DPP10: variants seen among roughly 807,000 people sequenced by gnomAD.
DPP10 encodes the protein inactive dipeptidyl peptidase 10.
Under a neutral mutation model 120.9 loss-of-function variants are expected in DPP10, and 33 were observed. The observed-to-expected ratio is 0.27, with a 90% CI of 0.21 to 0.37. The LOEUF is 0.37. Among genes scored for constraint, DPP10 ranks in the 10% least tolerant of loss-of-function variants. The pLI is 1.00. For synonymous variants in DPP10, 337 were observed against 326.1 expected (o/e 1.03, Z -0.36); for missense variants, 816 against 942.8 (o/e 0.87, Z 1.76).
chr2:115,584,990 A>G (rs557525530), intron 5 of DPP10, among the ~76,000 whole-genome samples: 1 of 152,296 alleles, frequency 6.6e-6, no homozygotes, highest in African/African-American at 2.4e-5. Context: ...AAAAACACAT[A>G]CCCATTAATT....
chr2:115,522,592 A>G (rs1341829835), intron 4 of DPP10, among the ~76,000 whole-genome samples: 1 of 152,078 alleles, frequency 6.6e-6, no homozygotes, highest in Admixed American at 6.5e-5. Flanking sequence ...TCACCTGCAT[A>G]TTTGCTTTAC....
At chr2:115,074,071 G>A (rs907724645) in intron 1 of DPP10, among the ~76,000 whole-genome samples, 3 of 152,158 alleles carry the variant, frequency 2.0e-5, no homozygotes, top group African/African-American at 4.8e-5. Flanking sequence ...GAGTGCAGTG[G>A]TGCAATCATA....
At chr2:115,272,589 C>T (rs1489154110) in intron 1 of DPP10, among the ~76,000 whole-genome samples, 1 of 152,208 alleles carries the variant, frequency 6.6e-6, no homozygotes, top group East Asian at 1.9e-4. Flanking sequence ...TTCTTCAGTA[C>T]AAGTTAGATT....
At chr2:114,547,309 GGCT>G (rs1416698058) in intron 1 of DPP10, among the ~76,000 whole-genome samples, 1 of 152,180 alleles carries the variant, frequency 6.6e-6, no homozygotes, top group Non-Finnish European at 1.5e-5. Flanking sequence ...GCCCAGTCAC[GGCT>G]GCTGCTGCTG....
chr2:114,771,807 C>A (rs1210510304), intron 1 of DPP10, among the ~76,000 whole-genome samples: 1 of 152,160 alleles, frequency 6.6e-6, no homozygotes, highest in Non-Finnish European at 1.5e-5. Flanking sequence ...TTAAAAGTTT[C>A]CAACTCTTAA....
chr2:115,777,318 C>G lies in DPP10; in HGVS notation c.1313+19C>G. ...AAAAAATGTGAGTGTTTTCAGTTCTCTAGTCAGGCTGCAAGTTAGCGTTGT... is the reference window on the plus strand; with the variant it reads ...AAAAAATGTGAGTGTTTTCAGTTCTGTAGTCAGGCTGCAAGTTAGCGTTGT... On this transcript the variant is annotated intron_variant, in intron 14 of 25. Coordinates refer to ENST00000410059, the MANE Select transcript of DPP10 (RefSeq NM_020868.6). The G allele has an allele frequency of 1.3e-6, 2 of 1,599,100 alleles. No individual in the cohort carries two copies. Among genetic ancestry groups the G allele is most frequent in the South Asian group, 1.1e-5 (1 of 90,676 alleles).
chr2:115,628,210 T>C (rs978027672), intron 5 of DPP10, among the ~76,000 whole-genome samples: 10 of 152,204 alleles, frequency 6.6e-5, no homozygotes, highest in Admixed American at 3.3e-4. Context: ...ATAATCACCA[T>C]TCTGACTGGC....
At chr2:115,554,869 A>C (rs995848184) in intron 5 of DPP10, among the ~76,000 whole-genome samples, 1 of 152,036 alleles carries the variant, frequency 6.6e-6, no homozygotes, top group African/African-American at 2.4e-5. Flanking sequence ...CCCTTGTGCA[A>C]CCTCTGCCTG....
chr2:115,438,828 T>A (rs76892169), intron 3 of DPP10, among the ~76,000 whole-genome samples: 1 of 125,046 alleles, frequency 8.0e-6, no homozygotes. Flanking sequence ...TGTGGAATAG[T>A]GGCTAAGATG....
intron 5 of DPP10, among the ~76,000 whole-genome samples, chr2:115,547,168 A>G (rs1275419628): frequency 6.6e-6 from 1 of 152,158 alleles, no homozygotes; most frequent in Non-Finnish European, 1.5e-5. Flanking sequence ...GCAAGACATG[A>G]ATGATAACTT....
chr2:115,394,469 C>CAA (rs34655384), intron 3 of DPP10, among the ~76,000 whole-genome samples: 9 of 91,152 alleles, frequency 9.9e-5, no homozygotes, highest in East Asian at 6.2e-4. Context: ...TCAACCTCAC[C>CAA]AAAAAAAAAA....
At chr2:115,612,372 A>G (rs1210211631) in intron 5 of DPP10, among the ~76,000 whole-genome samples, 1 of 152,184 alleles carries the variant, frequency 6.6e-6, no homozygotes, top group African/African-American at 2.4e-5. Flanking sequence ...TAATGTGATC[A>G]TTACCCTTGT....
At position 115,824,411 on chromosome 2, in the gene DPP10, G is replaced by A. The variant is rs757740513; in HGVS notation, c.1950+8682G>A. Among the ~76,000 whole-genome samples, 60 of 152,034 alleles carry A rather than the reference G, an allele frequency of 3.9e-4. 1 individual carries two copies. Among genetic ancestry groups the A allele is most frequent in the Non-Finnish European group, 7.5e-4 (51 of 67,998 alleles). Reference sequence around the variant, plus strand: ...GGTGGTTTGCTGCACTTATCAACCCGTCATCTAGGTTTTAAGCCCTGCATG... The same window carrying A: ...GGTGGTTTGCTGCACTTATCAACCCATCATCTAGGTTTTAAGCCCTGCATG... On this transcript the variant is annotated intron_variant, in intron 21 of 25. Transcript: ENST00000410059.
At chr2:115,029,151 C>T (rs191649951) in intron 1 of DPP10, among the ~76,000 whole-genome samples, 25 of 151,682 alleles carry the variant, frequency 1.6e-4, no homozygotes, top group Non-Finnish European at 2.8e-4. Flanking sequence ...CCTTTTTTTA[C>T]GGTCTTCCTT....
At position 115,327,978 on chromosome 2, in the gene DPP10, A is replaced by G. The variant is rs139879994; in HGVS notation, c.176-15839A>G. ...AAATTTCAACCCATTGACAAGGACAATAATGTCTTCGTGTTATTATGAATA... is the reference window on the plus strand; with the variant it reads ...AAATTTCAACCCATTGACAAGGACAGTAATGTCTTCGTGTTATTATGAATA... On this transcript the variant is annotated intron_variant, in intron 2 of 25. Coordinates refer to ENST00000410059, the MANE Select transcript of DPP10 (RefSeq NM_020868.6). Among the ~76,000 whole-genome samples the G allele has an allele frequency of 3.9e-3, 598 of 152,174 alleles. 3 individuals carry two copies. Among genetic ancestry groups the G allele is most frequent in the African/African-American group, 0.013 (557 of 41,564 alleles).
At chr2:115,414,259 A>T (rs1265311195) in intron 3 of DPP10, among the ~76,000 whole-genome samples, 1 of 152,186 alleles carries the variant, frequency 6.6e-6, no homozygotes, top group Non-Finnish European at 1.5e-5. Flanking sequence ...TGTACTTTCA[A>T]GGCAAGTAGA....
chr2:115,705,327 A>G (rs1276310157), intron 7 of DPP10, among the ~76,000 whole-genome samples: 1 of 151,952 alleles, frequency 6.6e-6, no homozygotes, highest in Non-Finnish European at 1.5e-5. Context: ...ATACAAAAGT[A>G]ATTATTTTTA....
chr2:115,815,662 G>A lies in DPP10; in HGVS notation c.1896-13G>A, dbSNP rs750658559. 2.4e-5 allele frequency: 39 copies of A among 1,594,872 alleles called. No individual in the cohort carries two copies. Among genetic ancestry groups the A allele is most frequent in the Middle Eastern group, 1.7e-4 (1 of 5,978 alleles). ...CACAAAGATATAACTATTGTTTTTC[G>A]TTTTCATTGCAGATTTTTGCTGAAA... On this transcript the variant is annotated splice_polypyrimidine_tract_variant and intron_variant, in intron 20 of 25. Transcript: ENST00000410059.
intron 1 of DPP10, among the ~76,000 whole-genome samples, chr2:115,000,693 C>A (rs1226383453): frequency 1.3e-5 from 2 of 152,034 alleles, no homozygotes; most frequent in African/African-American, 4.8e-5. Flanking sequence ...CTTAAACATA[C>A]AATAGCGCTA....
Sources: gnomAD v4.1 joint callset for allele counts (sites outside exome capture counted in the v4.1 genomes callset) on GRCh38, gnomAD v4.1.1 for gene constraint, MANE v1.5 for transcripts, NCBI Gene and HGNC (gene_info 2026-07-23, HGNC 2026-07-21) for gene names.